ZDHHC17: variants seen among roughly 807,000 people sequenced by gnomAD.
ZDHHC17 encodes palmitoyltransferase ZDHHC17.
A neutral mutation model predicts 90.3 loss-of-function variants in ZDHHC17; 40 were observed. The observed-to-expected ratio is 0.44, with a 90% confidence interval of 0.34 to 0.58. The LOEUF is 0.58. ZDHHC17 is among the 20% of genes least tolerant of loss of function. The pLI is 0.01. For missense variants in ZDHHC17, 614 were observed against 780.8 expected, an observed-to-expected ratio of 0.79 and a Z score of 2.55; for synonymous variants, 235 against 252.4, an observed-to-expected ratio of 0.93 and a Z score of 0.65.
At chr12:76,801,425 G>A (rs1010305314) in intron 2 of ZDHHC17, among the ~76,000 whole-genome samples, 1 of 151,566 alleles carries the variant, frequency 6.6e-6, no homozygotes, top group Non-Finnish European at 1.5e-5. Flanking sequence ...AGGCCAGGGC[G>A]GGTGGATCAC....
At position 76,815,951 on chromosome 12, in the gene ZDHHC17, G is replaced by C; in HGVS notation, c.703G>C (p.Ala235Pro). The change falls in exon 7 of 17, where the codon GCA (alanine) becomes CCA (proline). Residue 235 changes from alanine (A) to proline (P), a missense_variant. Coordinates refer to ENST00000426126, the MANE Select transcript of ZDHHC17 (RefSeq NM_015336.4). ...KNTALHWAVLAGNTTVISLLL... is the reference protein window; with the variant it reads ...KNTALHWAVLPGNTTVISLLL... Reference sequence around the variant, plus strand: ...CACTGCTCTGCATTGGGCAGTGCTAGCAGGGAATACCACAGTCATTAGCCT... The same window carrying C: ...CACTGCTCTGCATTGGGCAGTGCTACCAGGGAATACCACAGTCATTAGCCT... 1 of 1,582,808 alleles carries C rather than the reference G, an allele frequency of 6.3e-7. No individual in the cohort carries two copies. The highest frequency in any genetic ancestry group is 8.6e-7 in the Non-Finnish European group (1 of 1,163,308).
At chr12:76,767,545 G>A (rs942250471) in intron 1 of ZDHHC17, among the ~76,000 whole-genome samples, 4 of 152,120 alleles carry the variant, frequency 2.6e-5, no homozygotes, top group South Asian at 2.1e-4. Context: ...GTCATGTTTG[G>A]GTAAGGAATT....
At chr12:76,832,093 G>A (rs1477515833) in intron 10 of ZDHHC17, among the ~76,000 whole-genome samples, 1 of 152,156 alleles carries the variant, frequency 6.6e-6, no homozygotes, top group Non-Finnish European at 1.5e-5. Context: ...TACGATTTTG[G>A]AACTATGTTT....
intron 7 of ZDHHC17, 92 bp from the exon 8 acceptor site, chr12:76,822,314 A>C: frequency 1.3e-6 from 2 of 1,495,290 alleles, no homozygotes; most frequent in Non-Finnish European, 1.8e-6. Context: ...TTAATAGGGC[A>C]GTAAATTAAT....
intron 10 of ZDHHC17, among the ~76,000 whole-genome samples, chr12:76,830,678 A>G (rs1454744036): frequency 6.6e-6 from 1 of 152,166 alleles, no homozygotes; most frequent in South Asian, 2.1e-4. Flanking sequence ...TATTCCAGAC[A>G]TATTTTCTAA....
chr12:76,788,403 A>G (rs1952717197), intron 1 of ZDHHC17, among the ~76,000 whole-genome samples: 9 of 152,212 alleles, frequency 5.9e-5, no homozygotes, highest in Admixed American at 5.9e-4. Context: ...TAATTGTAGC[A>G]GTATTGAAAT....
chr12:76,779,010 C>T lies in ZDHHC17; in HGVS notation c.93+14681C>T, dbSNP rs145185950. On this transcript the variant is annotated intron_variant, in intron 1 of 16. Transcript: ENST00000426126. ...ACAGTAATCACATTAGATTAGGGCC[C>T]ACCCAATGGCCTCATGTTAATTTGA... Among the ~76,000 whole-genome samples the T allele has an allele frequency of 3.2e-3, 493 of 152,288 alleles. 1 individual carries two copies. Among genetic ancestry groups the T allele is most frequent in the African/African-American group, 0.011 (470 of 41,546 alleles).
At chr12:76,776,745 CTGT>C (rs1281145030) in intron 1 of ZDHHC17, among the ~76,000 whole-genome samples, 3 of 151,882 alleles carry the variant, frequency 2.0e-5, no homozygotes, top group Non-Finnish European at 4.4e-5. Flanking sequence ...TGGCTAGTGG[CTGT>C]TGTTTTAGGT....
At chr12:76,836,453 A>C (rs1321995440) in intron 10 of ZDHHC17, among the ~76,000 whole-genome samples, 1 of 151,812 alleles carries the variant, frequency 6.6e-6, no homozygotes, top group Non-Finnish European at 1.5e-5. Context: ...CCTGGTATTA[A>C]TTAGAGCTAT....
At chr12:76,826,389 T>G (rs1361384991) in intron 8 of ZDHHC17, among the ~76,000 whole-genome samples, 1 of 152,214 alleles carries the variant, frequency 6.6e-6, no homozygotes, top group African/African-American at 2.4e-5. Flanking sequence ...ACACATCTCT[T>G]CATTCAGTGA....
intron 10 of ZDHHC17, among the ~76,000 whole-genome samples, chr12:76,829,190 G>A (rs10862594): frequency 0.61 from 92,781 of 151,840 alleles, 28,397 homozygotes; most frequent in East Asian, 0.67. Context: ...TGGGCGCTGC[G>A]TCTCACACCT....
At chr12:76,788,438 C>G (rs909333837) in intron 1 of ZDHHC17, among the ~76,000 whole-genome samples, 39 of 151,818 alleles carry the variant, frequency 2.6e-4, no homozygotes, top group African/African-American at 9.4e-4. Flanking sequence ...CAAAAAAGCA[C>G]AAGGAAAAGA....
chr12:76,840,022 A>G (rs1484273730), intron 10 of ZDHHC17: 1 of 152,176 alleles, frequency 6.6e-6, no homozygotes, highest in African/African-American at 2.4e-5. Context: ...TCACTCTGTA[A>G]TCTTGGACAG....
At chr12:76,811,887 T>C (rs1266902968) in intron 5 of ZDHHC17, among the ~76,000 whole-genome samples, 1 of 152,126 alleles carries the variant, frequency 6.6e-6, no homozygotes, top group Non-Finnish European at 1.5e-5. Flanking sequence ...GTGGAAAATT[T>C]TACCCCTGAC....
At chr12:76,809,878 A>T (rs775030311) in intron 5 of ZDHHC17, 21 bp downstream of exon 5, 5 of 1,601,746 alleles carry the variant, frequency 3.1e-6, no homozygotes, top group Non-Finnish European at 4.3e-6. Context: ...TCTCAGTGGT[A>T]TGGATTTTAA....
At chr12:76,772,231 A>G (rs540315201) in intron 1 of ZDHHC17, among the ~76,000 whole-genome samples, 1 of 152,326 alleles carries the variant, frequency 6.6e-6, no homozygotes, top group East Asian at 1.9e-4. Flanking sequence ...TGGATTTGCT[A>G]GGCACTAGCT....
At chr12:76,789,056 T>G (rs1158957079) in intron 1 of ZDHHC17, among the ~76,000 whole-genome samples, 3 of 152,120 alleles carry the variant, frequency 2.0e-5, no homozygotes, top group African/African-American at 7.2e-5. Context: ...GCCAGTGAGT[T>G]TATGGAGAAA....
At chr12:76,788,940 G>T (rs965042028) in intron 1 of ZDHHC17, among the ~76,000 whole-genome samples, 1 of 151,800 alleles carries the variant, frequency 6.6e-6, no homozygotes, top group Non-Finnish European at 1.5e-5. Context: ...CAGGTGATCC[G>T]CCTGCCTTGG....
intron 1 of ZDHHC17, among the ~76,000 whole-genome samples, chr12:76,790,994 T>G (rs1328948856): frequency 1.3e-5 from 2 of 152,202 alleles, no homozygotes; most frequent in African/African-American, 4.8e-5. Context: ...TGATCAATGT[T>G]TGAGGTGATA....
Sources: gnomAD v4.1 joint callset for allele counts (sites outside exome capture counted in the v4.1 genomes callset) on GRCh38, gnomAD v4.1.1 for gene constraint, MANE v1.5 for transcripts, NCBI Gene and HGNC (gene_info 2026-07-23, HGNC 2026-07-21) for gene names.